Variants in PXDN observed in about 807,000 individuals in gnomAD.
PXDN encodes peroxidasin, also known as peroxidasin homolog.
A neutral mutation model predicts 140.3 loss-of-function variants in PXDN; 77 were observed. The observed-to-expected ratio is 0.55, with a 90% CI of 0.46 to 0.66. PXDN has a LOEUF of 0.66. Among genes scored for constraint, PXDN ranks in the 30% least tolerant of loss-of-function variants. PXDN has a pLI of 0.00. For synonymous variants in PXDN, 911 were observed against 857.4 expected (o/e 1.06, Z -1.09); for missense variants, 1,838 against 2,039.5 (o/e 0.90, Z 1.90).
At chr2:1,640,479 G>GA (rs1215690381) in intron 19 of PXDN, among the ~76,000 whole-genome samples, 1 of 152,200 alleles carries the variant, frequency 6.6e-6, no homozygotes, top group African/African-American at 2.4e-5. Flanking sequence ...TGACTGGCTG[G>GA]AAAGAGTATC....
chr2:1,733,999 T>C (rs1384021476), intron 1 of PXDN, among the ~76,000 whole-genome samples: 1 of 152,182 alleles, frequency 6.6e-6, no homozygotes, highest in Non-Finnish European at 1.5e-5. Flanking sequence ...TGTCTCTGTT[T>C]ATCTAAATCT....
rs72079011 is a variant in PXDN, at chr2:1,731,152, G to GCACACA, written c.200+13098_200+13103dup. ...ACAGAACACTGTTGAGAGCGCGCGCGCACACACACACACACACACACACAC... is the reference window on the plus strand; with the variant it reads ...ACAGAACACTGTTGAGAGCGCGCGCGCACACACACACACACACACACACACACACAC... On this transcript the variant is annotated intron_variant, in intron 1 of 22. Coordinates refer to ENST00000252804, the MANE Select transcript of PXDN (RefSeq NM_012293.3). Among the ~76,000 whole-genome samples, 1,320 of 136,032 alleles carry GCACACA rather than the reference G, an allele frequency of 9.7e-3. 15 individuals are homozygous for GCACACA. The highest frequency in any genetic ancestry group is 0.028 in the African/African-American group (1,005 of 36,248). The allele number at this position is 136,032 out of a possible 152,430, so 89.2% of individuals were successfully genotyped here.
chr2:1,709,496 CA>C (rs1469349566), intron 1 of PXDN, among the ~76,000 whole-genome samples: 2 of 152,164 alleles, frequency 1.3e-5, no homozygotes, highest in African/African-American at 4.8e-5. Flanking sequence ...GGCTGGGGTG[CA>C]GCATGCCTAA....
intron 1 of PXDN, among the ~76,000 whole-genome samples, chr2:1,722,225 G>A (rs1300712017): frequency 6.6e-6 from 1 of 152,206 alleles, no homozygotes. Flanking sequence ...CCTCTTGAAA[G>A]CTCTCCACGT....
At chr2:1,700,267 G>A (rs1268427817) in intron 1 of PXDN, among the ~76,000 whole-genome samples, 1 of 152,056 alleles carries the variant, frequency 6.6e-6, no homozygotes, top group East Asian at 1.9e-4. Flanking sequence ...TCGCCTTGTT[G>A]GCCAGGCTGG....
intron 1 of PXDN, among the ~76,000 whole-genome samples, chr2:1,728,475 G>A (rs1219039762): frequency 6.6e-6 from 1 of 152,186 alleles, no homozygotes; most frequent in Non-Finnish European, 1.5e-5. Flanking sequence ...CATTATCTGC[G>A]GACAGGCGCA....
intron 14 of PXDN, among the ~76,000 whole-genome samples, chr2:1,658,329 G>A (rs1024477896): frequency 7.9e-5 from 12 of 151,932 alleles, no homozygotes; most frequent in African/African-American, 1.2e-4. Context: ...CCTTTTCCAT[G>A]CTCAAACAGG....
intron 1 of PXDN, among the ~76,000 whole-genome samples, chr2:1,733,661 G>A (rs1685361379): frequency 6.7e-6 from 1 of 148,348 alleles, no homozygotes; most frequent in South Asian, 2.1e-4. Context: ...AGAATCGCTT[G>A]AACCCGGGAG....
At chr2:1,672,948 C>G (rs534391913) in intron 9 of PXDN, among the ~76,000 whole-genome samples, 1 of 152,298 alleles carries the variant, frequency 6.6e-6, no homozygotes, top group African/African-American at 2.4e-5. Context: ...CACAGGACGA[C>G]AGGCAGACCC....
intron 1 of PXDN, among the ~76,000 whole-genome samples, chr2:1,695,181 G>A (rs1302048080): frequency 4.1e-5 from 6 of 146,450 alleles, no homozygotes; most frequent in Admixed American, 6.7e-5. Context: ...CTGGAGCCTG[G>A]GAAGACAGCA....
intron 1 of PXDN, among the ~76,000 whole-genome samples, chr2:1,701,269 G>A (rs1684421335): frequency 6.6e-6 from 1 of 152,164 alleles, no homozygotes; most frequent in Non-Finnish European, 1.5e-5. Flanking sequence ...TTACCACAGG[G>A]GTGAGTACAT....
At chr2:1,704,978 G>T (rs1330676497) in intron 1 of PXDN, among the ~76,000 whole-genome samples, 1 of 152,154 alleles carries the variant, frequency 6.6e-6, no homozygotes, top group Non-Finnish European at 1.5e-5. Context: ...AGTGTATTCT[G>T]AGGATGTAAT....
intron 7 of PXDN, 40 bp downstream of exon 7, chr2:1,680,151 GGT>G (rs775862732): frequency 1.3e-6 from 2 of 1,508,310 alleles, no homozygotes; most frequent in South Asian, 2.6e-5. Flanking sequence ...GTGTGTAGAT[GGT>G]GTGAGTGTGT....
chr2:1,726,892 G>A (rs1377687708), intron 1 of PXDN, among the ~76,000 whole-genome samples: 1 of 152,154 alleles, frequency 6.6e-6, no homozygotes, highest in Admixed American at 6.5e-5. Flanking sequence ...ATCTATGTGA[G>A]TATGACACTT....
At chr2:1,727,982 C>A (rs1453096491) in intron 1 of PXDN, among the ~76,000 whole-genome samples, 2 of 152,192 alleles carry the variant, frequency 1.3e-5, no homozygotes, top group Admixed American at 1.3e-4. Context: ...ATTGCCCAGG[C>A]TTGAGTGCAG....
At chr2:1,664,065 TG>T in intron 11 of PXDN, 1 of 341,072 alleles carries the variant, frequency 2.9e-6, no homozygotes, top group Non-Finnish European at 5.4e-6. Flanking sequence ...GATGGCCAGC[TG>T]GGAGAACCAG....
intron 14 of PXDN, among the ~76,000 whole-genome samples, chr2:1,655,766 A>G (rs573458108): frequency 1.8e-4 from 25 of 135,620 alleles, no homozygotes; most frequent in African/African-American, 6.4e-4. Context: ...CTCCTGACAC[A>G]TGCCACCTAC....
upstream of PXDN, chr2:1,744,688 A>G (rs1057350881): frequency 3.6e-5 from 12 of 334,028 alleles, no homozygotes; most frequent in African/African-American, 2.2e-4. Context: ...GGCGGCCCGC[A>G]TGGCCAAGGC....
At chr2:1,647,359 G>A (rs1311848645) in intron 17 of PXDN, among the ~76,000 whole-genome samples, 4 of 152,156 alleles carry the variant, frequency 2.6e-5, no homozygotes, top group African/African-American at 4.8e-5. Context: ...CTGTGGCACC[G>A]AGTCCTGGGA....
Sources: allele counts gnomAD v4.1 joint callset (sites outside exome capture counted in the v4.1 genomes callset), GRCh38; gene constraint gnomAD v4.1.1; transcripts MANE v1.5; gene names NCBI Gene and HGNC (gene_info 2026-07-23, HGNC 2026-07-21).